Variants in FAM227A observed in about 807,000 individuals in gnomAD.
FAM227A encodes protein FAM227A.
A neutral mutation model predicts 74.7 loss-of-function variants in FAM227A; 80 were observed. That is an observed-to-expected ratio of 1.07 (90% CI 0.89 to 1.29). The LOEUF (loss-of-function observed/expected upper bound fraction) is 1.29. Ranked by LOEUF, FAM227A falls within the 50% of genes most tolerant of loss-of-function variation. FAM227A has a pLI of 0.00. For missense variants in FAM227A, 654 were observed against 683.4 expected, an observed-to-expected ratio of 0.96 and a Z score of 0.48; for synonymous variants, 237 against 241.8, an observed-to-expected ratio of 0.98 and a Z score of 0.19.
chr22:38,594,870 G>C (rs921897364), intron 15 of FAM227A, among the ~76,000 whole-genome samples: 2 of 152,092 alleles, frequency 1.3e-5, no homozygotes, highest in African/African-American at 2.4e-5. Flanking sequence ...AGGCCGAGGG[G>C]GGTGGATCAC....
At chr22:38,646,986 TAA>T (rs2092251226) in intron 2 of FAM227A, among the ~76,000 whole-genome samples, 1 of 151,084 alleles carries the variant, frequency 6.6e-6, no homozygotes, top group Non-Finnish European at 1.5e-5. Flanking sequence ...CCGTCTCTAC[TAA>T]AAATACAAAA....
At chr22:38,616,658 C>G (rs1000379090) in intron 11 of FAM227A, among the ~76,000 whole-genome samples, 28 of 148,446 alleles carry the variant, frequency 1.9e-4, no homozygotes, top group African/African-American at 7.0e-4. Context: ...AGGAGCGAAA[C>G]TCCATCTCAA....
chr22:38,633,457 G>A (rs917924178), intron 6 of FAM227A, among the ~76,000 whole-genome samples: 1 of 152,210 alleles, frequency 6.6e-6, no homozygotes, highest in Non-Finnish European at 1.5e-5. Context: ...AACTGTGCAG[G>A]AACAGCGGGT....
intron 13 of FAM227A, among the ~76,000 whole-genome samples, chr22:38,603,674 T>C (rs1469004385): frequency 2.0e-5 from 3 of 152,050 alleles, no homozygotes; most frequent in Non-Finnish European, 4.4e-5. Context: ...AGTATGTGCA[T>C]AGTGTATGCA....
At chr22:38,599,718 C>A (rs774725238) in intron 14 of FAM227A, 46 bp downstream of exon 14, 4 of 1,499,768 alleles carry the variant, frequency 2.7e-6, no homozygotes, top group Non-Finnish European at 2.7e-6. Context: ...GAAGAGGACG[C>A]GGGGGCCTGG....
At chr22:38,635,126 C>A (rs1245863790) in intron 6 of FAM227A, among the ~76,000 whole-genome samples, 1 of 150,628 alleles carries the variant, frequency 6.6e-6, no homozygotes, top group Admixed American at 6.6e-5. Context: ...TGCCTGTAAT[C>A]TCAGGCAGGG....
At chr22:38,614,530 T>C (rs2091535531) in intron 11 of FAM227A, among the ~76,000 whole-genome samples, 1 of 152,172 alleles carries the variant, frequency 6.6e-6, no homozygotes, top group Non-Finnish European at 1.5e-5. Flanking sequence ...GACAGACTAC[T>C]GCCATTGAAA....
chr22:38,609,616 G>A (rs1463374832), intron 11 of FAM227A, among the ~76,000 whole-genome samples: 3 of 152,156 alleles, frequency 2.0e-5, no homozygotes, highest in Non-Finnish European at 4.4e-5. Context: ...TATAGAAATG[G>A]GATATTTGAA....
chr22:38,592,875 A>G (rs2090967568), intron 15 of FAM227A, among the ~76,000 whole-genome samples: 1 of 152,238 alleles, frequency 6.6e-6, no homozygotes, highest in South Asian at 2.1e-4. Context: ...AACCCTACAA[A>G]GTAGGAAATA....
intron 11 of FAM227A, among the ~76,000 whole-genome samples, chr22:38,613,072 TTATATATAATTATATATATATATTATA>T: frequency 4.1e-5 from 4 of 97,554 alleles, no homozygotes; most frequent in African/African-American, 1.7e-4. Flanking sequence ...TGTAAATATA[TTATATATAATTATATATATATATTATA>T]TATAATTATA....
intron 11 of FAM227A, among the ~76,000 whole-genome samples, chr22:38,610,367 G>A (rs369822249): frequency 3.3e-5 from 5 of 152,110 alleles, no homozygotes; most frequent in South Asian, 2.1e-4. Context: ...AGAGTTCTGC[G>A]GTGGAGCAGA....
At chr22:38,592,632 G>A (rs529998846) in intron 15 of FAM227A, among the ~76,000 whole-genome samples, 1 of 152,046 alleles carries the variant, frequency 6.6e-6, no homozygotes, top group South Asian at 2.1e-4. Flanking sequence ...GCTAAATCAT[G>A]GGCTGAAGCT....
chr22:38,641,818 C>T (rs753658325), intron 3 of FAM227A, among the ~76,000 whole-genome samples: 10 of 152,104 alleles, frequency 6.6e-5, no homozygotes, highest in East Asian at 1.9e-4. Flanking sequence ...AACAAATACA[C>T]GACATTGCCA....
chr22:38,601,236 T>A (rs1208255544), intron 13 of FAM227A, among the ~76,000 whole-genome samples: 1 of 151,744 alleles, frequency 6.6e-6, no homozygotes, highest in Non-Finnish European at 1.5e-5. Context: ...TGGAGAGTGG[T>A]AGGGAGGAGA....
At chr22:38,617,594 C>T (rs963596682) in intron 11 of FAM227A, among the ~76,000 whole-genome samples, 8 of 152,242 alleles carry the variant, frequency 5.3e-5, no homozygotes, top group African/African-American at 1.2e-4. Context: ...CACACCCGGC[C>T]GGAGGAGGCT....
chr22:38,638,152 G>A (rs2092042464), intron 5 of FAM227A, among the ~76,000 whole-genome samples: 1 of 152,134 alleles, frequency 6.6e-6, no homozygotes, highest in African/African-American at 2.4e-5. Context: ...GTGACAGAGA[G>A]AGACCCCATC....
intron 1 of FAM227A, among the ~76,000 whole-genome samples, chr22:38,652,370 T>G (rs1350952703): frequency 6.8e-6 from 1 of 146,060 alleles, no homozygotes; most frequent in African/African-American, 2.6e-5. Context: ...AGGCAGATCA[T>G]GAGGTCAGGA....
intron 16 of FAM227A, among the ~76,000 whole-genome samples, chr22:38,590,910 G>A (rs545376100): frequency 3.3e-5 from 5 of 151,902 alleles, no homozygotes; most frequent in African/African-American, 4.8e-5. Context: ...TCAGCCTCCC[G>A]AGTAGCTGGG....
At chr22:38,601,621 G>A (rs2091180193) in intron 13 of FAM227A, among the ~76,000 whole-genome samples, 1 of 152,202 alleles carries the variant, frequency 6.6e-6, no homozygotes, top group African/African-American at 2.4e-5. Context: ...AAGAATGGGT[G>A]CAGAAGAGCA....
Sources: allele counts gnomAD v4.1 joint callset (sites outside exome capture counted in the v4.1 genomes callset), GRCh38; gene constraint gnomAD v4.1.1; transcripts MANE v1.5; gene names NCBI Gene and HGNC (gene_info 2026-07-23, HGNC 2026-07-21).